The following SH3RF2 variants were observed in gnomAD, a reference collection of about 807,000 sequenced individuals.
SH3RF2 encodes the protein E3 ubiquitin-protein ligase SH3RF2.
Under a neutral mutation model 59.0 loss-of-function variants are expected in SH3RF2, and 43 were observed. The observed-to-expected ratio is 0.73, with a 90% CI of 0.57 to 0.94. SH3RF2 has a LOEUF of 0.94. Ranked by LOEUF, SH3RF2 falls within the 40% of genes least tolerant of loss-of-function variation. The pLI is 0.00. For missense variants in SH3RF2, 930 were observed against 940.1 expected (o/e 0.99, Z 0.14); for synonymous variants, 391 against 391.5 (o/e 1.00, Z 0.01).
chr5:145,985,102 G>A (rs1759651626), intron 2 of SH3RF2, among the ~76,000 whole-genome samples: 1 of 152,150 alleles, frequency 6.6e-6, no homozygotes, highest in Non-Finnish European at 1.5e-5. Flanking sequence ...GCTTCAGTGA[G>A]CCATGGTCAC....
intron 5 of SH3RF2, among the ~76,000 whole-genome samples, chr5:146,022,702 G>A (rs1012189898): frequency 3.3e-5 from 5 of 151,914 alleles, no homozygotes; most frequent in African/African-American, 4.8e-5. Context: ...GAGAAACCCC[G>A]TCTCTACTAA....
At chr5:145,994,245 C>T (rs1223847434) in intron 2 of SH3RF2, among the ~76,000 whole-genome samples, 1 of 152,216 alleles carries the variant, frequency 6.6e-6, no homozygotes, top group Non-Finnish European at 1.5e-5. Flanking sequence ...TTGTCAATGT[C>T]ATTCAACAAG....
chr5:146,017,232 C>T (rs960112110), intron 5 of SH3RF2, among the ~76,000 whole-genome samples: 3 of 152,134 alleles, frequency 2.0e-5, no homozygotes, highest in African/African-American at 4.8e-5. Context: ...TGAGTAAGTT[C>T]GGTGGAAAAC....
rs141709130 is a variant in SH3RF2, at chr5:145,937,945, T to C, written c.17T>C (p.Leu6Ser). The C allele has an allele frequency of 2.2e-5, 35 of 1,613,516 alleles. No individual in the cohort carries two copies. In the African/African-American group the frequency reaches 4.3e-4, roughly 20 times the overall value. Residue 6 changes from leucine to serine, a missense_variant, in exon 2 of 10, where the codon TTA (leucine) becomes TCA (serine). Coordinates refer to ENST00000359120, the MANE Select transcript of SH3RF2 (RefSeq NM_152550.4). MDDLT[L>S]LDLLECPVCF... is the part of the protein sequence containing the mutation. ...TGAAATAAAATGGATGATTTGACGT[T>C]ACTTGATCTTCTGGAGTGCCCTGTG...
chr5:146,003,321 T>C (rs1760503130), intron 3 of SH3RF2, among the ~76,000 whole-genome samples: 1 of 152,236 alleles, frequency 6.6e-6, no homozygotes, highest in Non-Finnish European at 1.5e-5. Flanking sequence ...CTGGGAGGAT[T>C]CTATACCTTC....
chr5:145,942,603 A>C (rs1369340374), intron 2 of SH3RF2, among the ~76,000 whole-genome samples: 1 of 152,204 alleles, frequency 6.6e-6, no homozygotes, highest in Non-Finnish European at 1.5e-5. Context: ...GGTTTTTGCT[A>C]AATTTGCAAG....
At chr5:145,981,482 C>A (rs570286483) in intron 2 of SH3RF2, among the ~76,000 whole-genome samples, 4 of 152,198 alleles carry the variant, frequency 2.6e-5, no homozygotes, top group Non-Finnish European at 5.9e-5. Context: ...CTTCCTAAAT[C>A]TCTTAAGCTC....
chr5:145,999,969 C>T, intron 2 of SH3RF2, 89 bp from the exon 3 acceptor site: 12 of 1,494,190 alleles, frequency 8.0e-6, no homozygotes. Context: ...CATGTTAAAG[C>T]AAAGTACAAT....
chr5:146,035,570 T>C (rs563618307), intron 5 of SH3RF2, among the ~76,000 whole-genome samples: 1 of 152,288 alleles, frequency 6.6e-6, no homozygotes, highest in East Asian at 1.9e-4. Flanking sequence ...CAGGGACATC[T>C]GAATTCAGAA....
intron 2 of SH3RF2, among the ~76,000 whole-genome samples, chr5:145,942,762 C>T (rs1757865616): frequency 6.6e-6 from 1 of 152,230 alleles, no homozygotes; most frequent in Non-Finnish European, 1.5e-5. Context: ...GCTTCACACA[C>T]ATTTACAAAC....
intron 2 of SH3RF2, among the ~76,000 whole-genome samples, chr5:145,958,049 G>A (rs1292702909): frequency 6.6e-6 from 1 of 151,772 alleles, no homozygotes. Flanking sequence ...GGAGGCGGAG[G>A]TTGCAGTGAG....
At chr5:145,970,625 C>G (rs1365999603) in intron 2 of SH3RF2, among the ~76,000 whole-genome samples, 2 of 152,084 alleles carry the variant, frequency 1.3e-5, no homozygotes, top group Non-Finnish European at 2.9e-5. Flanking sequence ...CAAAAAGGCC[C>G]TTAACATTGT....
chr5:146,048,099 A>T (rs1380557340), intron 6 of SH3RF2, among the ~76,000 whole-genome samples: 2 of 151,954 alleles, frequency 1.3e-5, no homozygotes, highest in Non-Finnish European at 2.9e-5. Context: ...GATTGCTTGA[A>T]CCCAGGAGTT....
chr5:146,020,849 C>A (rs867365540), intron 5 of SH3RF2, among the ~76,000 whole-genome samples: 1 of 152,172 alleles, frequency 6.6e-6, no homozygotes, highest in Non-Finnish European at 1.5e-5. Context: ...GTAATTCCTT[C>A]CTCCACTGTC....
At chr5:145,999,045 T>C (rs1272851383) in intron 2 of SH3RF2, among the ~76,000 whole-genome samples, 1 of 152,022 alleles carries the variant, frequency 6.6e-6, no homozygotes, top group South Asian at 2.1e-4. Flanking sequence ...ACCTTAATGA[T>C]GATCTGAGCC....
chr5:145,997,823 A>G, intron 2 of SH3RF2: 1 of 1,454,270 alleles, frequency 6.9e-7, no homozygotes, highest in Non-Finnish European at 9.7e-7. Context: ...CCCCCGCCGA[A>G]ATAGAAGTAC....
At chr5:146,014,987 A>G (rs534333645) in intron 5 of SH3RF2, among the ~76,000 whole-genome samples, 12 of 152,318 alleles carry the variant, frequency 7.9e-5, no homozygotes, top group African/African-American at 2.9e-4. Context: ...ATTCAGCTGA[A>G]AACACTCTTT....
chr5:146,022,173 A>G (rs1471940991), intron 5 of SH3RF2, among the ~76,000 whole-genome samples: 4 of 152,320 alleles, frequency 2.6e-5, no homozygotes, highest in African/African-American at 9.6e-5. Context: ...TATTTCAGAT[A>G]TATCTCCTTT....
At chr5:145,936,917 G>A (rs563765653) in intron 1 of SH3RF2, 16 of 152,330 alleles carry the variant, frequency 1.1e-4, no homozygotes, top group African/African-American at 3.9e-4. Flanking sequence ...TTTCTAAACT[G>A]GAGGCTTCTT....
Sources: allele counts gnomAD v4.1 joint callset (sites outside exome capture counted in the v4.1 genomes callset), GRCh38; gene constraint gnomAD v4.1.1; transcripts MANE v1.5; gene names NCBI Gene and HGNC (gene_info 2026-07-23, HGNC 2026-07-21).